The following HEATR5B variants were observed in gnomAD, a reference collection of about 807,000 sequenced individuals.
The protein encoded by HEATR5B is HEAT repeat containing 5B, also known as HEAT repeat-containing protein 5B.
HEATR5B carries 156 observed loss-of-function variants against 224.1 expected under a neutral mutation model. The ratio of observed to expected loss-of-function variants is 0.70; its 90% CI spans 0.61 to 0.80. The LOEUF is 0.80. Among genes scored for constraint, HEATR5B ranks in the 30% least tolerant of loss-of-function variants. HEATR5B has a pLI of 0.00. For missense variants in HEATR5B, 2,323 were observed against 2,535.5 expected, an observed-to-expected ratio of 0.92 and a Z score of 1.80; for synonymous variants, 1,027 against 893.0, an observed-to-expected ratio of 1.15 and a Z score of -2.68.
At position 37,068,662 on chromosome 2, in the gene HEATR5B, T is replaced by A. The variant is rs1257662324; in HGVS notation, c.1177+19A>T. 2 of 1,613,002 alleles carry A rather than the reference T, an allele frequency of 1.2e-6. No individual in the cohort carries two copies. The highest frequency in any genetic ancestry group is 8.5e-7 in the Non-Finnish European group (1 of 1,179,512). The stretch of plus-strand genomic sequence containing the variant: ...AAATGACTAAGGTAATCAACACACA[T>A]AATGATACTGATTCTTACCTACGGC... On this transcript the variant is annotated intron_variant, in intron 8 of 35. Transcript: ENST00000233099.
At chr2:37,003,821 A>T (rs188077561) in intron 30 of HEATR5B, 135 bp from the exon 31 acceptor site, 1 of 501,340 alleles carries the variant, frequency 2.0e-6, no homozygotes, top group Non-Finnish European at 3.4e-6. Flanking sequence ...ACTACGTAAC[A>T]AATAAGAACA....
intron 6 of HEATR5B, among the ~76,000 whole-genome samples, 169 bp downstream of exon 6, chr2:37,071,941 C>A (rs1671933444): frequency 6.6e-6 from 1 of 152,104 alleles, no homozygotes. Context: ...TCTCGGCCTC[C>A]CAGAAGTGCT....
Position 36,981,599 on chromosome 2 carries a change from T to C in HEATR5B, c.6107A>G (p.Glu2036Gly), listed in dbSNP as rs778554099. 6.2e-7 allele frequency: 1 copy of C among 1,614,116 alleles called. No homozygotes were observed. Among genetic ancestry groups the C allele is most frequent in the African/African-American group, 1.3e-5 (1 of 74,944 alleles). Residue 2036 changes from glutamate (E) to glycine (G), a missense_variant, in exon 36 of 36, where the codon GAA becomes GGA. Coordinates refer to ENST00000233099, the MANE Select transcript of HEATR5B (RefSeq NM_019024.3). ...GAAPELKVRLETAVRASQASK... is the reference protein window; with the variant it reads ...GAAPELKVRLGTAVRASQASK... ...CGCTTGGCTTGCTCGAACGGCAGTT[T>C]CTAGACGCACTTTCAACTCAGGAGC...
intron 35 of HEATR5B, among the ~76,000 whole-genome samples, chr2:36,984,598 A>G (rs1034363340): frequency 6.6e-6 from 1 of 152,166 alleles, no homozygotes; most frequent in Admixed American, 6.6e-5. Flanking sequence ...GAAAAAAATA[A>G]GAGAAAAAAC....
In HEATR5B at chr2:36,981,628, C is replaced by A. The variant is rs763153892; in HGVS notation, c.6078G>T (p.Gly2026=). Reference sequence around the variant, plus strand: ...GACGCACTTTCAACTCAGGAGCAGCCCCCATTACTGTCTTGAAAGCATGTG... The same window carrying A: ...GACGCACTTTCAACTCAGGAGCAGCACCCATTACTGTCTTGAAAGCATGTG... ...LYPHAFKTVM[G]AAPELKVRLE... is the part of the protein sequence containing the mutation. The change falls in exon 36 of 36, where the codon GGG becomes GGT. Residue 2026 remains glycine, a synonymous_variant. Coordinates refer to ENST00000233099, the MANE Select transcript of HEATR5B (RefSeq NM_019024.3). 1.2e-6 allele frequency: 2 copies of A among 1,614,138 alleles called. No homozygotes were observed. The highest frequency in any genetic ancestry group is 1.1e-5 in the South Asian group (1 of 91,072).
chr2:37,027,093 C>A (rs981438753), intron 24 of HEATR5B, among the ~76,000 whole-genome samples: 5 of 152,174 alleles, frequency 3.3e-5, no homozygotes, highest in Admixed American at 6.5e-5. Context: ...CATGAGCCAC[C>A]GCACCCAGCC....
chr2:37,026,238 A>T (rs1299941948), intron 24 of HEATR5B, among the ~76,000 whole-genome samples: 3 of 152,204 alleles, frequency 2.0e-5, no homozygotes, highest in Non-Finnish European at 4.4e-5. Context: ...CAAGCTGGAA[A>T]GAAAAGGAAA....
intron 22 of HEATR5B, among the ~76,000 whole-genome samples, chr2:37,029,966 A>C (rs549462901): frequency 4.9e-4 from 73 of 150,182 alleles, no homozygotes; most frequent in Non-Finnish European, 7.5e-4. Flanking sequence ...TAAATAAATA[A>C]ATAAATAAAA....
chr2:37,082,541 C>T (rs1672651980), intron 2 of HEATR5B, among the ~76,000 whole-genome samples: 1 of 152,188 alleles, frequency 6.6e-6, no homozygotes, highest in Non-Finnish European at 1.5e-5. Context: ...CAAGGAACAC[C>T]TGGCCTGAAA....
intron 23 of HEATR5B, 93 bp downstream of exon 23, chr2:37,028,588 T>A (rs1179304426): frequency 2.2e-6 from 2 of 926,880 alleles, no homozygotes; most frequent in South Asian, 2.4e-5. Flanking sequence ...AAACCTATAA[T>A]TTACATGTAT....
intron 2 of HEATR5B, among the ~76,000 whole-genome samples, chr2:37,080,277 G>C (rs1035676821): frequency 9.9e-5 from 15 of 152,196 alleles, no homozygotes; most frequent in African/African-American, 3.6e-4. Context: ...ATGTTACTCT[G>C]AGTAAGAGTT....
At chr2:37,050,173 G>T (rs984707188) in intron 17 of HEATR5B, among the ~76,000 whole-genome samples, 4 of 152,072 alleles carry the variant, frequency 2.6e-5, no homozygotes, top group African/African-American at 4.8e-5. Flanking sequence ...GATTACAGGC[G>T]CACCTGGCCT....
At chr2:37,019,413 T>C (rs1668325863) in intron 26 of HEATR5B, among the ~76,000 whole-genome samples, 1 of 152,010 alleles carries the variant, frequency 6.6e-6, no homozygotes, top group Non-Finnish European at 1.5e-5. Flanking sequence ...AAAACTGCCA[T>C]TGTTGTATTT....
At position 37,028,685 on chromosome 2, in the gene HEATR5B, A is replaced by G. The variant is rs773390163; in HGVS notation, c.3597T>C (p.Ser1199=). The G allele has an allele frequency of 6.2e-7, 1 of 1,613,932 alleles. No homozygotes were observed. Among genetic ancestry groups the G allele is most frequent in the East Asian group, 2.2e-5 (1 of 44,870 alleles). Reference sequence around the variant, plus strand: ...GAACGCACATTAAATACTTACCACTAGAAGCTGCCAGGACATCTTTACAAA... The same window carrying G: ...GAACGCACATTAAATACTTACCACTGGAAGCTGCCAGGACATCTTTACAAA... The part of the protein sequence containing the change: ...LMLCKDVLAA[S]SDMSTATLLS... The change falls in exon 23 of 36, where the codon TCT becomes TCC. Residue 1199 remains serine, a synonymous_variant. Transcript: ENST00000233099.
intron 24 of HEATR5B, among the ~76,000 whole-genome samples, chr2:37,023,226 GAA>G (rs2148446296): frequency 6.6e-6 from 1 of 152,262 alleles, no homozygotes; most frequent in South Asian, 2.1e-4. Context: ...TCAGTGAACT[GAA>G]AAGACTTAGC....
chr2:37,070,184 G>A (rs780186604), intron 7 of HEATR5B, 46 bp downstream of exon 7: 1 of 1,593,424 alleles, frequency 6.3e-7, no homozygotes, highest in Non-Finnish European at 8.6e-7. Context: ...ACAGGCGTGA[G>A]CCACCGTGCC....
At chr2:37,050,850 C>T (rs1193393257) in intron 17 of HEATR5B, among the ~76,000 whole-genome samples, 2 of 152,100 alleles carry the variant, frequency 1.3e-5, no homozygotes, top group African/African-American at 4.8e-5. Flanking sequence ...CCATCCTGGC[C>T]AACATGGTGA....
chr2:37,021,666 T>C (rs1368937844), intron 24 of HEATR5B, among the ~76,000 whole-genome samples: 2 of 152,076 alleles, frequency 1.3e-5, no homozygotes, highest in Non-Finnish European at 1.5e-5. Flanking sequence ...GGTGGGTGGA[T>C]AGCTTGAGCT....
chr2:37,001,468 C>T lies in HEATR5B; in HGVS notation c.5318-655G>A, dbSNP rs563302016. Among the ~76,000 whole-genome samples, 241 of 152,074 alleles carry T rather than the reference C, an allele frequency of 1.6e-3. 1 individual carries two copies. Among genetic ancestry groups the T allele is most frequent in the Non-Finnish European group, 2.8e-3 (192 of 68,000 alleles). The stretch of plus-strand genomic sequence containing the variant: ...AACTCTAAGAGGTAGAAAGGTCTTC[C>T]GTGAGTTGAGCTGAAATTTATCTCT... On this transcript the variant is annotated intron_variant, in intron 32 of 35. Coordinates refer to ENST00000233099, the MANE Select transcript of HEATR5B (RefSeq NM_019024.3).
Sources: allele counts gnomAD v4.1 joint callset (sites outside exome capture counted in the v4.1 genomes callset), GRCh38; gene constraint gnomAD v4.1.1; transcripts MANE v1.5; gene names NCBI Gene and HGNC (gene_info 2026-07-23, HGNC 2026-07-21).